The following SEC23A variants were observed in gnomAD, a reference collection of about 807,000 sequenced individuals.
SEC23A encodes the protein protein transport protein Sec23A.
A neutral mutation model predicts 103.7 loss-of-function variants in SEC23A; 56 were observed. The observed-to-expected ratio is 0.54, with a 90% CI of 0.44 to 0.67. The LOEUF is 0.67. SEC23A is among the 30% of genes least tolerant of loss of function. SEC23A has a pLI of 0.00. For missense variants in SEC23A, 784 were observed against 936.4 expected, an observed-to-expected ratio of 0.84 and a Z score of 2.12; for synonymous variants, 281 against 293.0, an observed-to-expected ratio of 0.96 and a Z score of 0.42.
chr14:39,095,267 A>G (rs1475199624), intron 2 of SEC23A, among the ~76,000 whole-genome samples: 1 of 151,068 alleles, frequency 6.6e-6, no homozygotes, highest in African/African-American at 2.4e-5. Context: ...AAATCACAAC[A>G]TTTTTGGAAC....
intron 7 of SEC23A, among the ~76,000 whole-genome samples, chr14:39,080,499 G>A (rs1286728633): frequency 2.0e-5 from 3 of 152,048 alleles, no homozygotes; most frequent in East Asian, 1.9e-4. Context: ...CTCTGTCCAC[G>A]GGTTCAAGCA....
intron 9 of SEC23A, among the ~76,000 whole-genome samples, 192 bp from the exon 10 acceptor site, chr14:39,067,488 C>T (rs1363046829): frequency 6.6e-6 from 1 of 151,846 alleles, no homozygotes; most frequent in African/African-American, 2.4e-5. Context: ...ATCTCAATTC[C>T]GAAGGTAACA....
intron 9 of SEC23A, among the ~76,000 whole-genome samples, chr14:39,070,603 G>T (rs1305392750): frequency 2.0e-5 from 3 of 152,174 alleles, no homozygotes. Context: ...AAGGACAAAA[G>T]TCACATGATC....
chr14:39,072,560 C>G (rs1177661366), intron 9 of SEC23A, among the ~76,000 whole-genome samples: 1 of 151,990 alleles, frequency 6.6e-6, no homozygotes, highest in Non-Finnish European at 1.5e-5. Flanking sequence ...CACCTGTAAT[C>G]CCAGCACTTT....
chr14:39,033,883 AT>A (rs1275654105), intron 19 of SEC23A, among the ~76,000 whole-genome samples: 16 of 152,172 alleles, frequency 1.1e-4, no homozygotes, highest in Admixed American at 1.0e-3. Context: ...TAACAATGAA[AT>A]TTTACTTCAG....
At chr14:39,081,774 AAT>A (rs1259086783) in intron 7 of SEC23A, among the ~76,000 whole-genome samples, 2 of 152,146 alleles carry the variant, frequency 1.3e-5, no homozygotes, top group African/African-American at 4.8e-5. Context: ...TTTTTATTTT[AAT>A]AGAGATATAG....
chr14:39,095,936 A>G lies in SEC23A; in HGVS notation c.183T>C (p.Cys61=), dbSNP rs1887871608. The part of the protein sequence containing the change: ...LPPIQYEPVL[C]SRTTCRAVLN... ...AAACTGCACGGCAAGTGGTCCTACT[A>G]CACAGAACAGGTTCATATTGAATAG... The change falls in exon 2 of 20, where the codon TGT becomes TGC. Residue 61 remains cysteine, a synonymous_variant. Coordinates refer to ENST00000307712, the MANE Select transcript of SEC23A (RefSeq NM_006364.4). The G allele has an allele frequency of 1.9e-6, 3 of 1,614,042 alleles. No homozygotes were observed. The highest frequency in any genetic ancestry group is 1.7e-6 in the Non-Finnish European group (2 of 1,180,008).
chr14:39,088,740 C>CAA, intron 5 of SEC23A: 1 of 142,776 alleles, frequency 7.0e-6, no homozygotes, highest in Non-Finnish European at 1.5e-5. Context: ...CTCAGACAAA[C>CAA]AAAAAAAAAC....
chr14:39,054,170 G>A (rs74344645), intron 14 of SEC23A, among the ~76,000 whole-genome samples: 1 of 151,916 alleles, frequency 6.6e-6, no homozygotes, highest in East Asian at 1.9e-4. Context: ...AGCTACTCAG[G>A]AGGCTGAAGT....
chr14:39,100,499 T>A (rs1170661670), intron 1 of SEC23A, among the ~76,000 whole-genome samples: 2 of 149,308 alleles, frequency 1.3e-5, no homozygotes, highest in Non-Finnish European at 3.0e-5. Flanking sequence ...CGCAAACTCC[T>A]CCTCCCGGAT....
intron 8 of SEC23A, among the ~76,000 whole-genome samples, chr14:39,075,211 T>C (rs572747422): frequency 4.8e-4 from 73 of 152,156 alleles, no homozygotes; most frequent in African/African-American, 1.7e-3. Flanking sequence ...AGCAGTAAGA[T>C]AAATGAATCT....
At chr14:39,046,310 A>G in intron 15 of SEC23A, among the ~76,000 whole-genome samples, 1 of 152,070 alleles carries the variant, frequency 6.6e-6, no homozygotes, top group East Asian at 1.9e-4. Flanking sequence ...CTCTACTAAA[A>G]ATACAAAAAA....
In SEC23A at chr14:39,039,253, A is replaced by G. The variant is rs547750687; in HGVS notation, c.2143-157T>C. 9.5e-6 allele frequency: 6 copies of G among 631,834 alleles called. No individual in the cohort carries two copies. In the African/African-American group the frequency reaches 1.2e-4, roughly 12 times the overall value. 39.1% of individuals were successfully genotyped at this position (631,834 alleles called of 1,614,324 possible). A position where few individuals can be genotyped will look rare whatever the true frequency, so the allele number is the denominator to read the frequency against. Reference sequence around the variant, plus strand: ...TAAAAGATTAAACTTTGAAATGTATAGGTCACTAAGTGTTACAAATAAATA... The same window carrying G: ...TAAAAGATTAAACTTTGAAATGTATGGGTCACTAAGTGTTACAAATAAATA... On this transcript the variant is annotated intron_variant, in intron 18 of 19. Coordinates refer to ENST00000307712, the MANE Select transcript of SEC23A (RefSeq NM_006364.4).
intron 9 of SEC23A, among the ~76,000 whole-genome samples, chr14:39,072,208 G>T (rs1052129440): frequency 2.6e-5 from 4 of 151,796 alleles, no homozygotes; most frequent in African/African-American, 9.7e-5. Flanking sequence ...CTCTTGCCTG[G>T]GTGACAAAGT....
At chr14:39,074,971 G>C (rs972822150) in intron 8 of SEC23A, among the ~76,000 whole-genome samples, 1 of 152,140 alleles carries the variant, frequency 6.6e-6, no homozygotes, top group African/African-American at 2.4e-5. Flanking sequence ...GCCGGGCGTG[G>C]TGGTGGGTGC....
intron 9 of SEC23A, among the ~76,000 whole-genome samples, chr14:39,072,553 C>T (rs1233139666): frequency 1.3e-5 from 2 of 152,030 alleles, no homozygotes; most frequent in African/African-American, 4.8e-5. Context: ...TGGCTCACAC[C>T]TGTAATCCCA....
chr14:39,075,088 C>G (rs1045631422), intron 8 of SEC23A, among the ~76,000 whole-genome samples: 1 of 151,962 alleles, frequency 6.6e-6, no homozygotes, highest in African/African-American at 2.4e-5. Flanking sequence ...GTCTGGGCAA[C>G]AGAGCGAGAC....
intron 1 of SEC23A, among the ~76,000 whole-genome samples, chr14:39,100,416 C>CTTTT (rs11427769): frequency 2.1e-5 from 3 of 143,880 alleles, no homozygotes; most frequent in Non-Finnish European, 3.0e-5. Context: ...GCCAACTTAA[C>CTTTT]TTTTTTTTTT....
chr14:39,064,968 C>T lies in SEC23A; in HGVS notation c.1253G>A (p.Gly418Glu). The change falls in exon 11 of 20, where the codon GGA becomes GAA. Residue 418 changes from glycine to glutamate, a missense_variant. Gly to Glu is a moderately conservative substitution (Grantham distance 98). This residue lies in a region of SEC23A where 683 missense variants were observed against 774.2 expected (regional missense o/e 0.88). Transcript: ENST00000307712. ...GAGTGACACACAGGGTCCAATAGCT[C>T]CTGAAATCTTTATTTCCCTTGAGGT... Reference protein sequence around the residue: ...IKTSREIKISGAIGPCVSLNS... With the variant: ...IKTSREIKISEAIGPCVSLNS... 1 of 1,612,964 alleles carries T rather than the reference C, an allele frequency of 6.2e-7. No individual in the cohort carries two copies. The highest frequency in any genetic ancestry group is 1.1e-5 in the South Asian group (1 of 91,052).
Sources: gnomAD v4.1 joint callset for allele counts (sites outside exome capture counted in the v4.1 genomes callset) on GRCh38, gnomAD v4.1.1 for gene constraint, gnomAD v4.1.1 regional missense constraint, MANE v1.5 for transcripts, NCBI Gene and HGNC (gene_info 2026-07-23, HGNC 2026-07-21) for gene names.